RTL4: variants seen among roughly 807,000 people sequenced by gnomAD.
The protein encoded by RTL4 is retrotransposon Gag-like protein 4.
In RTL4, 4 loss-of-function variants were observed where a neutral mutation model predicts 5.3. The observed-to-expected ratio is 0.75, with a 90% CI of 0.37 to 1.72. RTL4 has a LOEUF of 1.72. Among genes scored for constraint, RTL4 ranks in the 40% most tolerant of loss-of-function variants. The pLI is 0.04. For missense variants in RTL4, 260 were observed against 227.1 expected (o/e 1.14, Z -0.93); for synonymous variants, 98 against 87.3 (o/e 1.12, Z -0.68).
the RTL4 span, among the ~76,000 whole-genome samples, chrX:112,393,171 TTTG>T: frequency 9.2e-5 from 8 of 87,048 alleles, 1 homozygote; most frequent in South Asian, 1.8e-3. Context: ...GTTTTTTTTT[TTTG>T]TTTGTTTGTT....
the RTL4 span, among the ~76,000 whole-genome samples, chrX:112,254,200 C>CTGT: frequency 4.5e-5 from 5 of 111,912 alleles, no homozygotes; most frequent in Non-Finnish European, 9.4e-5. Flanking sequence ...GACAAGAAGC[C>CTGT]TGTTGCTCTG....
chrX:112,237,726 T>C, the RTL4 span, among the ~76,000 whole-genome samples: 2 of 112,323 alleles, frequency 1.8e-5, no homozygotes, highest in Admixed American at 1.9e-4. Context: ...CTGTTTAATA[T>C]ATTTTATTAC....
chrX:112,370,938 G>A, the RTL4 span, among the ~76,000 whole-genome samples: 1 of 110,086 alleles, frequency 9.1e-6, no homozygotes, highest in African/African-American at 3.3e-5. Flanking sequence ...TCCTAGATAG[G>A]ACTGAACCCA....
chrX:112,321,194 C>T, the RTL4 span, among the ~76,000 whole-genome samples: 1 of 111,595 alleles, frequency 9.0e-6, no homozygotes, highest in Admixed American at 9.5e-5. Context: ...TGCTACTAAC[C>T]TGACTATTCT....
chrX:112,147,047 G>A, the RTL4 span, among the ~76,000 whole-genome samples: 1 of 108,144 alleles, frequency 9.2e-6, no homozygotes, highest in Non-Finnish European at 1.9e-5. Flanking sequence ...GAGGCTCGCA[G>A]ATGTACAGTC....
chrX:112,101,777 G>T, the RTL4 span, among the ~76,000 whole-genome samples: 14 of 110,423 alleles, frequency 1.3e-4, no homozygotes, highest in Non-Finnish European at 2.7e-4. Flanking sequence ...ACTGGATTAG[G>T]GTGGACTCTA....
At chrX:112,442,601 C>A in the RTL4 span, among the ~76,000 whole-genome samples, 8 of 110,652 alleles carry the variant, frequency 7.2e-5, no homozygotes, top group African/African-American at 2.3e-4. Flanking sequence ...AAGTATACCA[C>A]CAATAAAATA....
the RTL4 span, among the ~76,000 whole-genome samples, chrX:112,155,427 G>A: frequency 1.8e-5 from 2 of 111,491 alleles, no homozygotes; most frequent in Non-Finnish European, 3.8e-5. Flanking sequence ...CGAGGTCTGA[G>A]TTAGGTAAAA....
At chrX:112,365,452 C>T in the RTL4 span, among the ~76,000 whole-genome samples, 191 of 111,297 alleles carry the variant, frequency 1.7e-3, 1 homozygote, top group African/African-American at 4.6e-3. Flanking sequence ...CTTATTTCTA[C>T]TAGTGCCATT....
At chrX:112,388,774 G>A in the RTL4 span, among the ~76,000 whole-genome samples, 5 of 112,034 alleles carry the variant, frequency 4.5e-5, no homozygotes, top group African/African-American at 6.5e-5. Context: ...ACTTGGTTGT[G>A]GTGGAATAGC....
chrX:112,198,962 A>G, the RTL4 span, among the ~76,000 whole-genome samples: 3 of 110,824 alleles, frequency 2.7e-5, no homozygotes, highest in African/African-American at 9.8e-5. Flanking sequence ...AGAAGTGGGT[A>G]GAACATTACA....
the RTL4 span, among the ~76,000 whole-genome samples, chrX:112,155,873 A>T: frequency 9.0e-6 from 1 of 111,495 alleles, no homozygotes; most frequent in Non-Finnish European, 1.9e-5. Context: ...TACCCTAGGT[A>T]TTACTAATCT....
At chrX:112,090,150 A>G in the RTL4 span, among the ~76,000 whole-genome samples, 1 of 110,301 alleles carries the variant, frequency 9.1e-6, no homozygotes, top group East Asian at 2.8e-4. Context: ...GATTTCTTAT[A>G]TATAAGACCA....
At chrX:112,101,834 G>A in the RTL4 span, among the ~76,000 whole-genome samples, 3 of 110,259 alleles carry the variant, frequency 2.7e-5, no homozygotes, top group South Asian at 7.8e-4. Flanking sequence ...ATATAGAAAA[G>A]CACAGAGACA....
chrX:112,173,001 T>A, the RTL4 span, among the ~76,000 whole-genome samples: 1 of 69,151 alleles, frequency 1.4e-5, no homozygotes, highest in African/African-American at 5.6e-5. Flanking sequence ...CACTGGGGCC[T>A]GTTGGGGGGG....
At chrX:112,431,588 A>G in the RTL4 span, among the ~76,000 whole-genome samples, 3 of 111,488 alleles carry the variant, frequency 2.7e-5, no homozygotes, top group African/African-American at 9.8e-5. Context: ...AATTCTCTCC[A>G]TCTGCCTGTC....
chrX:112,130,435 A>G, the RTL4 span, among the ~76,000 whole-genome samples: 2 of 109,934 alleles, frequency 1.8e-5, no homozygotes, highest in African/African-American at 6.6e-5. Flanking sequence ...TTTTCCTGAC[A>G]CAAGAGCCTT....
chrX:112,352,964 T>C, the RTL4 span, among the ~76,000 whole-genome samples: 1 of 110,971 alleles, frequency 9.0e-6, no homozygotes, highest in African/African-American at 3.3e-5. Context: ...GAATCTACAA[T>C]GGACACAAAC....
At chrX:112,192,287 G>A in the RTL4 span, among the ~76,000 whole-genome samples, 1 of 109,793 alleles carries the variant, frequency 9.1e-6, no homozygotes, top group Non-Finnish European at 1.9e-5. Flanking sequence ...AGACCCTCCA[G>A]TACAATGTTG....
Sources: allele counts gnomAD v4.1 joint callset (sites outside exome capture counted in the v4.1 genomes callset), GRCh38; gene constraint gnomAD v4.1.1; transcripts MANE v1.5; gene names NCBI Gene and HGNC (gene_info 2026-07-23, HGNC 2026-07-21).